Variants in TMEM217 observed in about 807,000 individuals in gnomAD.
TMEM217 encodes transmembrane protein 217, also known as chromosome 6 open reading frame 128.
For missense variants in TMEM217, 204 were observed against 248.8 expected, an observed-to-expected ratio of 0.82 and a Z score of 1.21; for synonymous variants, 76 against 88.3, an observed-to-expected ratio of 0.86 and a Z score of 0.78.
In TMEM217 at chr6:37,236,019, G is replaced by C. The variant is rs1236900816; in HGVS notation, c.-11-16978C>G. 5.3e-5 allele frequency among the ~76,000 whole-genome samples: 8 copies of C among 152,106 alleles called. No homozygotes were observed. The South Asian group carries it at 1.0e-3, about 20-fold the overall frequency. On this transcript the variant is annotated intron_variant, in intron 1 of 1. Transcript: ENST00000357219. The stretch of plus-strand genomic sequence containing the variant: ...AAAATATTCATACTAGAAAAATAAA[G>C]CTAGATAAATAAAAAATCATTACCA...
At chr6:37,247,576 T>A (rs984015313) in intron 1 of TMEM217, among the ~76,000 whole-genome samples, 1 of 151,972 alleles carries the variant, frequency 6.6e-6, no homozygotes, top group Non-Finnish European at 1.5e-5. Context: ...TTGGTAGAGA[T>A]GGGGTTTCAC....
intron 1 of TMEM217, among the ~76,000 whole-genome samples, chr6:37,240,579 T>A (rs1367588265): frequency 6.6e-6 from 1 of 152,152 alleles, no homozygotes; most frequent in Non-Finnish European, 1.5e-5. Flanking sequence ...GCTATTTAAT[T>A]GGTCACACTC....
At chr6:37,214,082 C>T (rs770594906), downstream of TMEM217, among the ~76,000 whole-genome samples, 2 of 152,266 alleles carry the variant, frequency 1.3e-5, no homozygotes, top group Non-Finnish European at 2.9e-5. Flanking sequence ...CTCCTCTTCA[C>T]TCACTGGATC....
chr6:37,235,863 C>A (rs1323777042), intron 1 of TMEM217, among the ~76,000 whole-genome samples: 2 of 152,140 alleles, frequency 1.3e-5, no homozygotes, highest in African/African-American at 4.8e-5. Context: ...TTTGAAGGAA[C>A]CCTCATGACT....
chr6:37,218,116 T>A (rs1763317807), exon 2 of TMEM217: 20 of 1,043,836 alleles, frequency 1.9e-5, no homozygotes, highest in Non-Finnish European at 2.3e-5. Flanking sequence ...CTACCTCTTA[T>A]GGGAAAGAAA....
chr6:37,222,880 TGGAGTGACAGCC>T (rs1030123076), intron 1 of TMEM217, among the ~76,000 whole-genome samples: 9 of 152,214 alleles, frequency 5.9e-5, no homozygotes, highest in African/African-American at 2.2e-4. Flanking sequence ...CTGCTGCAGC[TGGAGTGACAGCC>T]GGAGTGATGG....
chr6:37,223,109 AAATAT>A (rs1250129420), intron 1 of TMEM217, among the ~76,000 whole-genome samples: 1 of 152,222 alleles, frequency 6.6e-6, no homozygotes, highest in Non-Finnish European at 1.5e-5. Flanking sequence ...AAAAGATGGA[AAATAT>A]GAAGGAGAAG....
chr6:37,217,963 G>A, exon 2 of TMEM217: 1 of 988,050 alleles, frequency 1.0e-6, no homozygotes, highest in Non-Finnish European at 1.2e-6. Flanking sequence ...CCCTCAATGA[G>A]CAGGATGTTC....
rs193119510 is a variant in TMEM217, at chr6:37,226,576, C to T, written c.-11-7535G>A. 7.3e-3 allele frequency among the ~76,000 whole-genome samples: 1,093 copies of T among 150,436 alleles called. 6 individuals are homozygous for T. Among genetic ancestry groups the T allele is most frequent in the Middle Eastern group, 0.011 (3 of 274 alleles). On this transcript the variant is annotated intron_variant, in intron 1 of 1. Transcript: ENST00000357219. ...CCACCCAAAGTGCTGGGATTACAGG[C>T]GTGAGCCACTGCGCCCGGCCGAGAC... is the stretch of plus-strand genomic sequence containing the variant.
intron 1 of TMEM217, among the ~76,000 whole-genome samples, chr6:37,240,351 C>T (rs1052094937): frequency 6.6e-6 from 1 of 152,166 alleles, no homozygotes; most frequent in Non-Finnish European, 1.5e-5. Context: ...CATCCAAGCT[C>T]GCTCTCTCTG....
intron 1 of TMEM217, among the ~76,000 whole-genome samples, chr6:37,252,224 T>A (rs1765435098): frequency 6.6e-6 from 1 of 152,186 alleles, no homozygotes; most frequent in African/African-American, 2.4e-5. Flanking sequence ...GTTGAAAAAC[T>A]TGAAAGAAGA....
chr6:37,251,822 C>T (rs1198324532), intron 1 of TMEM217, among the ~76,000 whole-genome samples: 1 of 152,020 alleles, frequency 6.6e-6, no homozygotes, highest in African/African-American at 2.4e-5. Context: ...CAGGAGATGG[C>T]AAATTACCAA....
At chr6:37,216,346 T>C (rs1763204605), downstream of TMEM217, among the ~76,000 whole-genome samples, 1 of 152,118 alleles carries the variant, frequency 6.6e-6, no homozygotes, top group Non-Finnish European at 1.5e-5. Context: ...CCAAAAGTAT[T>C]GGGATTACAG....
At chr6:37,218,975 C>T (rs1763376461) in exon 2 of TMEM217, 6 of 1,614,140 alleles carry the variant, frequency 3.7e-6, no homozygotes, top group Non-Finnish European at 5.1e-6. Context: ...GGTGAAGACC[C>T]CTGACAACAC....
At chr6:37,243,603 T>A (rs1179040899) in intron 1 of TMEM217, among the ~76,000 whole-genome samples, 1 of 152,194 alleles carries the variant, frequency 6.6e-6, no homozygotes, top group Non-Finnish European at 1.5e-5. Context: ...GGTTTTGTTT[T>A]GTTTTGTTTT....
chr6:37,212,478 G>A (rs1351996480), exon 4 of TMEM217: 1 of 454,992 alleles, frequency 2.2e-6, no homozygotes, highest in East Asian at 7.0e-5. Flanking sequence ...CTGCAATGGT[G>A]GAGCAGAGCC....
chr6:37,245,015 G>A (rs12210895), intron 1 of TMEM217, among the ~76,000 whole-genome samples: 24,161 of 152,114 alleles, frequency 0.16, 2,361 homozygotes, highest in Non-Finnish European at 0.21. Context: ...ATGGCAGAGA[G>A]CAACAGTGAC....
chr6:37,227,456 T>C (rs1763901680), intron 1 of TMEM217, among the ~76,000 whole-genome samples: 1 of 152,172 alleles, frequency 6.6e-6, no homozygotes, highest in African/African-American at 2.4e-5. Flanking sequence ...TTGTTTTTTG[T>C]TTTTGTTTGA....
At chr6:37,239,891 T>TAA (rs35304138) in intron 1 of TMEM217, among the ~76,000 whole-genome samples, 186 of 133,762 alleles carry the variant, frequency 1.4e-3, no homozygotes, top group African/African-American at 3.9e-3. Flanking sequence ...CCCAGCTCAT[T>TAA]AAAAAAAAAA....
Sources: gnomAD v4.1 joint callset for allele counts (sites outside exome capture counted in the v4.1 genomes callset) on GRCh38, gnomAD v4.1.1 for gene constraint, MANE v1.5 for transcripts, NCBI Gene and HGNC (gene_info 2026-07-23, HGNC 2026-07-21) for gene names.